TAS1R2: variants seen among roughly 807,000 people sequenced by gnomAD.
The protein encoded by TAS1R2 is taste 1 receptor member 2.
Under a neutral mutation model 49.3 loss-of-function variants are expected in TAS1R2, and 47 were observed. The ratio of observed to expected loss-of-function variants is 0.95; its 90% CI spans 0.75 to 1.22. TAS1R2 has a LOEUF of 1.22. TAS1R2 is among the 50% of genes most tolerant of loss of function. The pLI is 0.00. For missense variants in TAS1R2, 1,155 were observed against 1,122.1 expected, an observed-to-expected ratio of 1.03 and a Z score of -0.42; for synonymous variants, 479 against 467.9, an observed-to-expected ratio of 1.02 and a Z score of -0.31.
chr1:18,849,413 G>C (rs374409291), exon 4 of TAS1R2: 1 of 1,614,112 alleles, frequency 6.2e-7, no homozygotes, highest in South Asian at 1.1e-5. Context: ...AGTAGGAGGC[G>C]ACGCTCTGGA....
chr1:18,859,249 A>T (rs1048049582), intron 1 of TAS1R2, among the ~76,000 whole-genome samples: 1 of 152,170 alleles, frequency 6.6e-6, no homozygotes, highest in Non-Finnish European at 1.5e-5. Context: ...CACTGAGATG[A>T]CCCCAGTCTC....
chr1:18,849,381 T>C, exon 4 of TAS1R2: 1 of 1,614,218 alleles, frequency 6.2e-7, no homozygotes. Flanking sequence ...TTGGATGTTC[T>C]TCAGCTGTCG....
chr1:18,843,876 G>T lies in TAS1R2; in HGVS notation c.1468-2024C>A, dbSNP rs111330902. On this transcript the variant is annotated intron_variant, in intron 4 of 5. Transcript: ENST00000375371. ...GGAATAAAAACAAGTCTTCATATAA[G>T]GGAAATGGTATCCAAGAAGCGCCAG... Among the ~76,000 whole-genome samples, 205 of 152,284 alleles carry T rather than the reference G, an allele frequency of 1.3e-3. 1 individual carries two copies. The highest frequency in any genetic ancestry group is 4.6e-3 in the African/African-American group (191 of 41,562).
intron 4 of TAS1R2, among the ~76,000 whole-genome samples, chr1:18,846,961 G>C (rs1933933504): frequency 6.6e-6 from 1 of 152,168 alleles, no homozygotes; most frequent in Admixed American, 6.5e-5. Context: ...AAATGTGTGT[G>C]ATATCTCCTC....
chr1:18,856,829 G>T (rs1055586576), intron 2 of TAS1R2, among the ~76,000 whole-genome samples: 1 of 152,194 alleles, frequency 6.6e-6, no homozygotes, highest in Non-Finnish European at 1.5e-5. Flanking sequence ...TATAATAATA[G>T]TAGTAATACA....
chr1:18,857,349 G>A (rs1260021220), exon 2 of TAS1R2: 20 of 1,613,878 alleles, frequency 1.2e-5, no homozygotes, highest in Non-Finnish European at 1.6e-5. Context: ...GGAGAAATAG[G>A]GAGAGGAAGT....
At position 18,848,677 on chromosome 1, in the gene TAS1R2, C is replaced by T. The variant is rs115352834; in HGVS notation, c.1467+664G>A. On this transcript the variant is annotated intron_variant, in intron 4 of 5. Transcript: ENST00000375371. ...TGAGCTCCACCTCCTGTCAGATCAA[C>T]ATCCGCATTAGATTCTCATAGGAGC... is the stretch of plus-strand genomic sequence containing the variant. Among the ~76,000 whole-genome samples the T allele has an allele frequency of 7.8e-3, 1,191 of 152,278 alleles. 24 individuals are homozygous for T. Among genetic ancestry groups the T allele is most frequent in the African/African-American group, 0.027 (1,102 of 41,546 alleles).
At chr1:18,848,527 C>T (rs77416941) in intron 4 of TAS1R2, among the ~76,000 whole-genome samples, 6,735 of 150,812 alleles carry the variant, frequency 0.045, 495 homozygotes, top group African/African-American at 0.15. Context: ...ATCCCCGGGA[C>T]ACAGACCAGT....
intron 5 of TAS1R2, among the ~76,000 whole-genome samples, chr1:18,840,940 G>GTTCCACC (rs1933813296): frequency 6.6e-6 from 1 of 152,200 alleles, no homozygotes; most frequent in African/African-American, 2.4e-5. Context: ...GGGACCTGGG[G>GTTCCACC]TGGAAGGCCA....
chr1:18,854,283 G>A lies in TAS1R2; in HGVS notation c.1187C>T (p.Ala396Val), dbSNP rs771381829. The change falls in exon 3 of 6, where the codon GCC (alanine) becomes GTC (valine). Residue 396 changes from alanine (A) to valine (V), a missense_variant. Physicochemically the swap from Ala to Val is moderately conservative, Grantham distance 64. Transcript: ENST00000375371. The surrounding 1 kb of genome is among the most constrained non-coding windows in gnomAD (Gnocchi z 4.9). ...GCCGAGGAGGCTGTGCAGGGCATGG[G>A]CCACAGCATAGACCGCAGAGTACAC... is the stretch of plus-strand genomic sequence containing the variant. 3 of 1,614,158 alleles carry A rather than the reference G, an allele frequency of 1.9e-6. No homozygotes were observed. The highest frequency in any genetic ancestry group is 2.2e-5 in the South Asian group (2 of 91,080).
At chr1:18,852,215 T>TA (rs111826471) in intron 3 of TAS1R2, among the ~76,000 whole-genome samples, 8,865 of 152,136 alleles carry the variant, frequency 0.058, 826 homozygotes, top group African/African-American at 0.19. Context: ...ATGACAAAAA[T>TA]AAACAGAGTG....
chr1:18,849,436 TC>T lies in TAS1R2; in HGVS notation c.1371del (p.Ser458AlafsTer18), dbSNP rs752594383. ...GCGACGCTCTGGAAGGGATTCTGGCTCCGGTCCCATTGCCACTGGACAATCT... is the reference window on the plus strand; with the variant it reads ...GCGACGCTCTGGAAGGGATTCTGGCTCGGTCCCATTGCCACTGGACAATCT... On this transcript the variant is annotated frameshift_variant, in exon 4 of 6. Transcript: ENST00000375371. LOFTEE classifies it high-confidence loss of function. 21 of 1,614,118 alleles carry T rather than the reference TC, an allele frequency of 1.3e-5. No individual in the cohort carries two copies. In the South Asian group the frequency reaches 2.0e-4, roughly 15 times the overall value.
At chr1:18,851,315 C>T (rs1327227747) in intron 3 of TAS1R2, among the ~76,000 whole-genome samples, 1 of 151,754 alleles carries the variant, frequency 6.6e-6, no homozygotes, top group African/African-American at 2.4e-5. Flanking sequence ...GATTCAATGA[C>T]TGGCTGAACA....
At chr1:18,842,792 G>A (rs1483556566) in intron 4 of TAS1R2, among the ~76,000 whole-genome samples, 1 of 152,198 alleles carries the variant, frequency 6.6e-6, no homozygotes, top group Non-Finnish European at 1.5e-5. Flanking sequence ...GAGGCTGGAG[G>A]AAGGAAGAAA....
At chr1:18,858,697 T>C (rs765455428) in intron 1 of TAS1R2, among the ~76,000 whole-genome samples, 3 of 152,134 alleles carry the variant, frequency 2.0e-5, no homozygotes, top group African/African-American at 2.4e-5. Flanking sequence ...ATCACAACTA[T>C]CACCATCATT....
intron 4 of TAS1R2, 116 bp downstream of exon 4, chr1:18,849,225 C>G (rs745668676): frequency 1.2e-5 from 13 of 1,100,420 alleles, no homozygotes; most frequent in Non-Finnish European, 1.7e-5. Flanking sequence ...GACATCCCCC[C>G]AGAGATTGAT....
exon 6 of TAS1R2, chr1:18,839,802 A>C (rs745319244): frequency 1.2e-6 from 2 of 1,614,218 alleles, no homozygotes; most frequent in South Asian, 2.2e-5. Context: ...AGGGAGACGG[A>C]TGAGGTGAAA....
rs372390656 is a variant in TAS1R2, at chr1:18,840,167, C to T, written c.1952G>A (p.Arg651His). The T allele has an allele frequency of 2.6e-5, 42 of 1,614,102 alleles. No homozygotes were observed. The highest frequency in any genetic ancestry group is 1.6e-4 in the Middle Eastern group (1 of 6,084). The change falls in exon 6 of 6, where the codon CGT (arginine) becomes CAT (histidine). Residue 651 changes from arginine (R) to histidine (H), a missense_variant. Transcript: ENST00000375371. ...GAAGGCGCAGACGATCTGGAAAGAA[C>T]GCACGGCGATACAGGAGATGCAGAT...
intron 3 of TAS1R2, among the ~76,000 whole-genome samples, 175 bp from the exon 4 acceptor site, chr1:18,849,725 C>T (rs1933987650): frequency 6.6e-6 from 1 of 152,194 alleles, no homozygotes; most frequent in Non-Finnish European, 1.5e-5. Context: ...GAGAGCTCTG[C>T]TTTGGAGCCA....
Sources: gnomAD v4.1 joint callset for allele counts (sites outside exome capture counted in the v4.1 genomes callset) on GRCh38, gnomAD v4.1.1 for gene constraint, Gnocchi (gnomAD v3.1) non-coding constraint, MANE v1.5 for transcripts, NCBI Gene and HGNC (gene_info 2026-07-23, HGNC 2026-07-21) for gene names.